Variants in ARHGEF10 observed in about 807,000 individuals in gnomAD.
The protein encoded by ARHGEF10 is Rho guanine nucleotide exchange factor (GEF) 10.
ARHGEF10 carries 140 observed loss-of-function variants against 147.4 expected under a neutral mutation model. That is an observed-to-expected ratio of 0.95 (90% confidence interval 0.83 to 1.09). ARHGEF10 has a LOEUF of 1.09. Ranked by LOEUF, ARHGEF10 falls within the 50% of genes least tolerant of loss-of-function variation. The pLI is 0.00. For missense variants in ARHGEF10, 2,222 were observed against 1,752.7 expected (o/e 1.27, Z -4.78); for synonymous variants, 902 against 695.8 (o/e 1.30, Z -4.67).
chr8:1,888,881 A>AGGGTTG (rs1809085482), intron 11 of ARHGEF10, among the ~76,000 whole-genome samples: 1 of 57,474 alleles, frequency 1.7e-5, no homozygotes, highest in African/African-American at 9.3e-5. Flanking sequence ...GGTGAGAGTT[A>AGGGTTG]TGAGGAGACA....
intron 18 of ARHGEF10, among the ~76,000 whole-genome samples, chr8:1,912,848 G>C (rs1385098901): frequency 6.6e-6 from 1 of 152,210 alleles, no homozygotes; most frequent in Non-Finnish European, 1.5e-5. Flanking sequence ...GGTTTTGCCA[G>C]CCTCCCCGAT....
intron 3 of ARHGEF10, among the ~76,000 whole-genome samples, chr8:1,859,115 G>A (rs1403676198): frequency 2.7e-5 from 4 of 150,292 alleles, no homozygotes; most frequent in East Asian, 2.0e-4. Flanking sequence ...CTGCTTGCAC[G>A]GTGTTTCTTT....
intron 18 of ARHGEF10, among the ~76,000 whole-genome samples, chr8:1,914,037 C>T (rs989838289): frequency 6.6e-6 from 1 of 152,114 alleles, no homozygotes; most frequent in Non-Finnish European, 1.5e-5. Flanking sequence ...ACCTCCCCCA[C>T]AAAATTCACA....
intron 2 of ARHGEF10, among the ~76,000 whole-genome samples, chr8:1,856,605 G>GT (rs1291340942): frequency 1.3e-5 from 2 of 152,248 alleles, no homozygotes; most frequent in African/African-American, 4.8e-5. Flanking sequence ...TGCGTGGAGT[G>GT]TAAGTGGGTT....
chr8:1,956,898 C>A lies in ARHGEF10; in HGVS notation c.3670C>A (p.Pro1224Thr), dbSNP rs1196809767. 2 of 1,614,050 alleles carry A rather than the reference C, an allele frequency of 1.2e-6. No individual in the cohort carries two copies. Among genetic ancestry groups the A allele is most frequent in the Non-Finnish European group, 8.5e-7 (1 of 1,179,968 alleles). ...GGACGAAGACCAGAAGGACGCACTT[C>A]CGAGTGGAGGAGCTGGTTCATCTCT... The part of the protein sequence containing the change: ...PQDEDQKDAL[P>T]SGGAGSSLSQ... Residue 1224 changes from proline (P) to threonine (T), a missense_variant, in exon 29 of 29, where the codon CCG becomes ACG. Pro to Thr is a conservative substitution (Grantham distance 38). Coordinates refer to ENST00000349830, the MANE Select transcript of ARHGEF10 (RefSeq NM_014629.4).
chr8:1,894,711 T>C, intron 13 of ARHGEF10, 139 bp downstream of exon 13: 1 of 943,328 alleles, frequency 1.1e-6, no homozygotes, highest in East Asian at 2.6e-5. Flanking sequence ...AGGCTGAAGT[T>C]GCAATGCCCT....
rs55785586 is a variant in ARHGEF10, at chr8:1,918,220, G to A, written c.2144-4744G>A. 9.7e-3 allele frequency among the ~76,000 whole-genome samples: 1,479 copies of A among 152,272 alleles called. 32 individuals are homozygous for A. The highest frequency in any genetic ancestry group is 0.034 in the African/African-American group (1,403 of 41,546). On this transcript the variant is annotated intron_variant, in intron 18 of 28. Transcript: ENST00000349830. ...TTATTCTTGGGATGTGAGTGCAGAC[G>A]CTTTCTTTGGCAGCGCACATTGTCC...
intron 7 of ARHGEF10, among the ~76,000 whole-genome samples, chr8:1,873,479 G>A (rs1456865911): frequency 6.6e-5 from 6 of 90,234 alleles, no homozygotes; most frequent in Non-Finnish European, 1.3e-4. Context: ...GTTGAGAGGC[G>A]CCCGCGGGGT....
intron 18 of ARHGEF10, 71 bp downstream of exon 18, chr8:1,909,541 G>C: frequency 2.5e-6 from 4 of 1,584,708 alleles, no homozygotes; most frequent in Non-Finnish European, 1.7e-6. Flanking sequence ...TAGCTGTGGG[G>C]CCAGCGTAAG....
Position 1,937,425 on chromosome 8 carries a change from A to C in ARHGEF10, c.3222+3483A>C, listed in dbSNP as rs1813705529. Among the ~76,000 whole-genome samples, 1 of 152,146 alleles carries C rather than the reference A, an allele frequency of 6.6e-6. No individual in the cohort carries two copies. Among genetic ancestry groups the C allele is most frequent in the Non-Finnish European group, 1.5e-5 (1 of 68,040 alleles). ...TGGATCAGCCGCCTACCTGGGTCTC[A>C]ATTGTCTGAGCTGACAGCTGGGGGT... On this transcript the variant is annotated intron_variant, in intron 26 of 28. Transcript: ENST00000349830. The surrounding 1 kb of genome is among the most constrained non-coding windows in gnomAD (Gnocchi z 4.9).
chr8:1,944,066 C>G (rs904244235), intron 26 of ARHGEF10, among the ~76,000 whole-genome samples: 1 of 151,754 alleles, frequency 6.6e-6, no homozygotes, highest in African/African-American at 2.4e-5. Context: ...GGACCCCAGC[C>G]TCCCGCACCG....
chr8:1,894,567 G>T lies in ARHGEF10; in HGVS notation c.1435G>T (p.Ala479Ser). 1 of 1,614,034 alleles carries T rather than the reference G, an allele frequency of 6.2e-7. No homozygotes were observed. Among genetic ancestry groups the T allele is most frequent in the African/African-American group, 1.3e-5 (1 of 75,042 alleles). The change falls in exon 13 of 29, where the codon GCT becomes TCT. Residue 479 changes from alanine to serine, a missense_variant. Coordinates refer to ENST00000349830, the MANE Select transcript of ARHGEF10 (RefSeq NM_014629.4). ...SVEMIGDVFV[A>S]SFSKSMVLDA... is the part of the protein sequence containing the mutation. The stretch of plus-strand genomic sequence containing the variant: ...GGAAATGATAGGCGATGTCTTCGTG[G>T]CTTCGGTAATTAAGCTGGGACACCT...
chr8:1,851,533 G>C (rs565225983), intron 2 of ARHGEF10, among the ~76,000 whole-genome samples: 2 of 151,814 alleles, frequency 1.3e-5, no homozygotes, highest in Middle Eastern at 3.4e-3. Flanking sequence ...CTCTTTGGGG[G>C]TGGGGAGTAT....
chr8:1,916,477 C>A lies in ARHGEF10; in HGVS notation c.2144-6487C>A, dbSNP rs145433654. Among the ~76,000 whole-genome samples the A allele has an allele frequency of 1.6e-3, 242 of 152,278 alleles. 1 individual carries two copies. The highest frequency in any genetic ancestry group is 5.6e-3 in the African/African-American group (232 of 41,568). ...AAAATGCTTGGGTTTTGTTAAAAAC[C>A]AAACTGGATTTTAGTCACGGGGGAG... On this transcript the variant is annotated intron_variant, in intron 18 of 28. Transcript: ENST00000349830.
At position 1,864,426 on chromosome 8, in the gene ARHGEF10, C is replaced by G; in HGVS notation, c.535C>G (p.Pro179Ala). The change falls in exon 5 of 29, where the codon CCT becomes GCT. Residue 179 changes from proline (P) to alanine (A), a missense_variant. Physicochemically the swap from Pro to Ala is conservative, Grantham distance 27 (BLOSUM62 -1). Transcript: ENST00000349830. ...RQPNSLSSEE[P>A]PTSEDQVGRE... The stretch of plus-strand genomic sequence containing the variant: ...GCCCAATTCTCTGAGTTCCGAGGAG[C>G]CTCCAACCAGGTATCTGCATCCGTC... 3 of 1,614,014 alleles carry G rather than the reference C, an allele frequency of 1.9e-6. No individual in the cohort carries two copies. In the African/African-American group the frequency reaches 4.0e-5, roughly 22 times the overall value.
At chr8:1,926,253 G>A (rs536198716) in intron 22 of ARHGEF10, 124 bp from the exon 23 acceptor site, 3 of 809,910 alleles carry the variant, frequency 3.7e-6, no homozygotes, top group Admixed American at 4.0e-5. Flanking sequence ...ATCTTTGGTA[G>A]GTAATGAACC....
intron 16 of ARHGEF10, among the ~76,000 whole-genome samples, chr8:1,904,902 C>T (rs1019947848): frequency 6.6e-5 from 10 of 152,154 alleles, no homozygotes; most frequent in Admixed American, 2.0e-4. Flanking sequence ...GGGTGGATCA[C>T]GTGAGGTCAG....
chr8:1,884,121 C>T lies in ARHGEF10; in HGVS notation c.1075+1372C>T, dbSNP rs370830352. On this transcript the variant is annotated intron_variant, in intron 10 of 28. Coordinates refer to ENST00000349830, the MANE Select transcript of ARHGEF10 (RefSeq NM_014629.4). ...TAATAGGCAAATCCTTGGCCGGGCACGGTGGCTCATGCCTGTAATCCCAGC... is the reference window on the plus strand; with the variant it reads ...TAATAGGCAAATCCTTGGCCGGGCATGGTGGCTCATGCCTGTAATCCCAGC... Among the ~76,000 whole-genome samples, 10 of 152,202 alleles carry T rather than the reference C, an allele frequency of 6.6e-5. No individual in the cohort carries two copies. The East Asian group carries it at 7.7e-4, about 12-fold the overall frequency.
At chr8:1,882,495 A>C (rs1808287641) in intron 9 of ARHGEF10, 140 bp from the exon 10 acceptor site, 2 of 781,342 alleles carry the variant, frequency 2.6e-6, no homozygotes, top group Non-Finnish European at 4.5e-6. Flanking sequence ...AAACCAAAAC[A>C]AAACCTAGCC....
Sources: gnomAD v4.1 joint callset for allele counts (sites outside exome capture counted in the v4.1 genomes callset) on GRCh38, gnomAD v4.1.1 for gene constraint, Gnocchi (gnomAD v3.1) non-coding constraint, MANE v1.5 for transcripts, NCBI Gene and HGNC (gene_info 2026-07-23, HGNC 2026-07-21) for gene names.